The following SMAD6 variants were observed in gnomAD, a reference collection of about 807,000 sequenced individuals.
SMAD6 encodes the protein MAD homolog 6.
SMAD6 carries 103 observed loss-of-function variants against 39.4 expected under a neutral mutation model. That is an observed-to-expected ratio of 2.62 (90% CI 2.23 to 3.08). SMAD6 has a LOEUF of 3.08. Ranked by LOEUF, SMAD6 falls within the 30% of genes most tolerant of loss-of-function variation. The pLI, the probability that SMAD6 is intolerant of heterozygous loss-of-function variation, is 0.00. For synonymous variants in SMAD6, 445 were observed against 353.3 expected, an observed-to-expected ratio of 1.26 and a Z score of -2.91; for missense variants, 1,104 against 742.9, an observed-to-expected ratio of 1.49 and a Z score of -5.65.
At chr15:66,758,096 G>A (rs1185953121) in intron 3 of SMAD6, among the ~76,000 whole-genome samples, 1 of 152,220 alleles carries the variant, frequency 6.6e-6, no homozygotes, top group Non-Finnish European at 1.5e-5. Context: ...TGGCAGGAAA[G>A]TGTGACTGGA....
chr15:66,754,564 A>G (rs547299831), intron 3 of SMAD6, among the ~76,000 whole-genome samples: 6 of 152,214 alleles, frequency 3.9e-5, no homozygotes, highest in South Asian at 4.1e-4. Flanking sequence ...TCTCATTTTC[A>G]TACCATTTAG....
chr15:66,738,462 G>T (rs1893752714), intron 3 of SMAD6, among the ~76,000 whole-genome samples: 1 of 152,226 alleles, frequency 6.6e-6, no homozygotes. Flanking sequence ...CCTCCAGGAA[G>T]TTTGGAAAAT....
chr15:66,708,817 A>AT lies in SMAD6; in HGVS notation c.818-2850dup, dbSNP rs1190337476. Reference sequence around the variant, plus strand: ...AATGGGGATGGTGTTTCTTTTTGCGATAAAAAAAATGTCTTGTGTTTAGAT... The same window carrying AT: ...AATGGGGATGGTGTTTCTTTTTGCGATTAAAAAAAATGTCTTGTGTTTAGAT... On this transcript the variant is annotated intron_variant, in intron 1 of 3. Transcript: ENST00000288840. The AT allele has an allele frequency of 2.0e-5, 9 of 453,232 alleles. No homozygotes were observed. In the East Asian group the frequency reaches 2.2e-4, roughly 11 times the overall value. 28.1% of individuals were successfully genotyped at this position (453,232 alleles called of 1,614,324 possible).
At chr15:66,713,389 G>A (rs1245190684) in intron 2 of SMAD6, among the ~76,000 whole-genome samples, 16 of 152,098 alleles carry the variant, frequency 1.1e-4, no homozygotes, top group African/African-American at 3.6e-4. Flanking sequence ...GCGTGAATTC[G>A]GCCCACTGCA....
At chr15:66,769,452 G>A (rs1375230636) in intron 3 of SMAD6, among the ~76,000 whole-genome samples, 2 of 152,164 alleles carry the variant, frequency 1.3e-5, no homozygotes, top group East Asian at 1.9e-4. Flanking sequence ...GTAGTCTCAG[G>A]AAGCATTCCA....
In SMAD6 at chr15:66,738,265, C is replaced by T. The variant is rs547223906; in HGVS notation, c.952+21767C>T. ...GCCAGGCAATCCCAGGACAGACAGG[C>T]CCATGGAGCCAGGGAAGGCTGCTCG... On this transcript the variant is annotated intron_variant, in intron 3 of 3. Coordinates refer to ENST00000288840, the MANE Select transcript of SMAD6 (RefSeq NM_005585.5). Among the ~76,000 whole-genome samples, 35 of 152,270 alleles carry T rather than the reference C, an allele frequency of 2.3e-4. No individual in the cohort carries two copies. The South Asian group carries it at 7.2e-3, about 32-fold the overall frequency.
intron 1 of SMAD6, chr15:66,705,817 G>A (rs1893099230): frequency 6.6e-6 from 1 of 152,286 alleles, no homozygotes; most frequent in Admixed American, 6.6e-5. Context: ...GTCATTGGGT[G>A]TGAACTACCA....
intron 3 of SMAD6, among the ~76,000 whole-genome samples, chr15:66,775,599 A>T (rs1300754976): frequency 6.6e-6 from 1 of 152,048 alleles, no homozygotes; most frequent in East Asian, 1.9e-4. Context: ...TCCACCCCAG[A>T]CACAGCTCCT....
chr15:66,718,691 T>C (rs1174532904), intron 3 of SMAD6, among the ~76,000 whole-genome samples: 1 of 152,184 alleles, frequency 6.6e-6, no homozygotes. Context: ...TCCAGCTTGC[T>C]CTGTGCTGTA....
intron 3 of SMAD6, among the ~76,000 whole-genome samples, chr15:66,760,500 C>T (rs1445080265): frequency 1.3e-5 from 2 of 152,214 alleles, no homozygotes; most frequent in Non-Finnish European, 2.9e-5. Context: ...TCGAAGGACT[C>T]GTCAGTGATT....
chr15:66,757,330 G>A (rs1197333425), intron 3 of SMAD6, among the ~76,000 whole-genome samples: 1 of 152,190 alleles, frequency 6.6e-6, no homozygotes, highest in Non-Finnish European at 1.5e-5. Context: ...GACATAGCAA[G>A]AAATGCCGCT....
Position 66,702,886 on chromosome 15 carries a change from G to C in SMAD6, c.-373G>C, listed in dbSNP as rs998310496. The C allele has an allele frequency of 5.2e-6, 1 of 193,870 alleles. No individual in the cohort carries two copies. The highest frequency in any genetic ancestry group is 2.3e-5 in the African/African-American group (1 of 43,074). The allele number at this position is 193,870 out of a possible 1,614,324, so 12.0% of individuals were successfully genotyped here. On this transcript the variant is annotated 5_prime_UTR_variant, in exon 1 of 4. Coordinates refer to ENST00000288840, the MANE Select transcript of SMAD6 (RefSeq NM_005585.5). Reference sequence around the variant, plus strand: ...TTCGCGCGAGCGCTTTGTGCTCATGGACCAGCCGCACAACTTTTGAAGGCT... The same window carrying C: ...TTCGCGCGAGCGCTTTGTGCTCATGCACCAGCCGCACAACTTTTGAAGGCT...
intron 3 of SMAD6, among the ~76,000 whole-genome samples, chr15:66,732,378 G>T (rs1893645759): frequency 6.6e-6 from 1 of 151,650 alleles, no homozygotes; most frequent in Admixed American, 6.6e-5. Flanking sequence ...AAGAAACAGC[G>T]TCTCACTCTG....
rs148643659 is a variant in SMAD6 at position 66,763,826 on chromosome 15, C to T, written c.953-17171C>T. Among the ~76,000 whole-genome samples, 116 of 152,346 alleles carry T rather than the reference C, an allele frequency of 7.6e-4. 1 individual carries two copies. In the East Asian group the frequency reaches 0.021, roughly 27 times the overall value. On this transcript the variant is annotated intron_variant, in intron 3 of 3. Transcript: ENST00000288840. ...CCCACCCTGCCCATTTGGAAAAGCC[C>T]GAGTTGGCAGAGCCCCCTGGCCAAA... is the stretch of plus-strand genomic sequence containing the variant.
intron 3 of SMAD6, among the ~76,000 whole-genome samples, chr15:66,744,660 C>T (rs532546542): frequency 3.9e-5 from 6 of 152,326 alleles, no homozygotes; most frequent in South Asian, 2.1e-4. Context: ...AGCCTAGAGC[C>T]GTGTTGTCAT....
At chr15:66,763,574 G>T (rs1595794810) in intron 3 of SMAD6, among the ~76,000 whole-genome samples, 1 of 152,274 alleles carries the variant, frequency 6.6e-6, no homozygotes, top group East Asian at 1.9e-4. Context: ...CCCTCTCCAC[G>T]CGATGGCTTC....
intron 3 of SMAD6, among the ~76,000 whole-genome samples, chr15:66,738,775 G>T (rs935182178): frequency 2.3e-4 from 35 of 152,090 alleles, no homozygotes; most frequent in Admixed American, 2.3e-3. Context: ...CTGATGGGTG[G>T]GCTGAAATGG....
chr15:66,734,829 A>G (rs1893686711), intron 3 of SMAD6, among the ~76,000 whole-genome samples: 1 of 152,224 alleles, frequency 6.6e-6, no homozygotes, highest in Non-Finnish European at 1.5e-5. Flanking sequence ...AACTATGCAC[A>G]TTAAAACTAT....
intron 3 of SMAD6, among the ~76,000 whole-genome samples, chr15:66,748,647 C>T (rs1893947468): frequency 6.6e-6 from 1 of 152,096 alleles, no homozygotes. Context: ...ACCTGAATCT[C>T]CCTCTCTTCA....
Sources: gnomAD v4.1 joint callset for allele counts (sites outside exome capture counted in the v4.1 genomes callset) on GRCh38, gnomAD v4.1.1 for gene constraint, MANE v1.5 for transcripts, NCBI Gene and HGNC (gene_info 2026-07-23, HGNC 2026-07-21) for gene names.